NKAIN2: variants seen among roughly 807,000 people sequenced by gnomAD.
NKAIN2 encodes sodium/potassium-transporting ATPase subunit beta-1-interacting protein 2.
NKAIN2 carries 14 observed loss-of-function variants against 32.6 expected under a neutral mutation model. The ratio of observed to expected loss-of-function variants is 0.43; its 90% CI spans 0.28 to 0.67. The LOEUF is 0.67. NKAIN2 is among the 30% of genes least tolerant of loss of function. The probability of loss-of-function intolerance (pLI) is 0.17; values close to 1 mark genes in which losing one functional copy is unlikely to be tolerated. For synonymous variants in NKAIN2, 80 were observed against 87.2 expected (o/e 0.92, Z 0.46); for missense variants, 198 against 258.3 (o/e 0.77, Z 1.60).
intron 1 of NKAIN2, among the ~76,000 whole-genome samples, chr6:124,057,917 A>G (rs946813999): frequency 1.3e-5 from 2 of 152,020 alleles, no homozygotes; most frequent in African/African-American, 4.8e-5. Context: ...TTCTTGCTTA[A>G]CTCAACCATT....
intron 4 of NKAIN2, among the ~76,000 whole-genome samples, chr6:124,745,195 T>C (rs1035999065): frequency 6.6e-6 from 1 of 151,774 alleles, no homozygotes; most frequent in African/African-American, 2.4e-5. Context: ...CAAAACTAGA[T>C]CAAAATGGGA....
chr6:124,770,522 CT>C (rs528176645), intron 4 of NKAIN2, among the ~76,000 whole-genome samples: 74 of 152,184 alleles, frequency 4.9e-4, no homozygotes, highest in Non-Finnish European at 7.5e-4. Flanking sequence ...TTTTGTCTGC[CT>C]TTTTTAGGTT....
At chr6:124,199,360 G>A (rs1790496062) in intron 1 of NKAIN2, among the ~76,000 whole-genome samples, 1 of 152,180 alleles carries the variant, frequency 6.6e-6, no homozygotes, top group Non-Finnish European at 1.5e-5. Flanking sequence ...GCAGTCCCAT[G>A]TCCTTGCCCT....
intron 1 of NKAIN2, among the ~76,000 whole-genome samples, chr6:124,234,461 T>C (rs1283097075): frequency 6.6e-6 from 1 of 152,100 alleles, no homozygotes; most frequent in Admixed American, 6.6e-5. Flanking sequence ...TAGGGCACAT[T>C]TTCAAGTGCT....
At chr6:124,459,999 CT>C (rs1430496000) in intron 3 of NKAIN2, among the ~76,000 whole-genome samples, 8 of 151,514 alleles carry the variant, frequency 5.3e-5, no homozygotes, top group Non-Finnish European at 1.2e-4. Context: ...TCTTAATTCT[CT>C]TTACTGTTTC....
chr6:124,645,056 A>G (rs1334407332), intron 3 of NKAIN2, among the ~76,000 whole-genome samples: 1 of 152,220 alleles, frequency 6.6e-6, no homozygotes, highest in East Asian at 1.9e-4. Flanking sequence ...ACACTTACTT[A>G]TATTTTATCC....
intron 1 of NKAIN2, among the ~76,000 whole-genome samples, chr6:124,024,501 ATATT>A (rs1194749018): frequency 2.0e-5 from 3 of 152,218 alleles, no homozygotes; most frequent in African/African-American, 7.2e-5. Context: ...AACAAAATGA[ATATT>A]TAATAAGTTC....
intron 4 of NKAIN2, among the ~76,000 whole-genome samples, chr6:124,661,576 C>G (rs567328020): frequency 6.6e-6 from 1 of 152,296 alleles, no homozygotes; most frequent in African/African-American, 2.4e-5. Context: ...CAAAGGAAGA[C>G]AAGTATAATA....
At chr6:124,021,787 C>A (rs1334635349) in intron 1 of NKAIN2, among the ~76,000 whole-genome samples, 1 of 151,826 alleles carries the variant, frequency 6.6e-6, no homozygotes, top group Non-Finnish European at 1.5e-5. Context: ...AAAATTCTAT[C>A]CTCTCCCCTG....
At chr6:124,153,178 T>C (rs1192414664) in intron 1 of NKAIN2, among the ~76,000 whole-genome samples, 1 of 151,822 alleles carries the variant, frequency 6.6e-6, no homozygotes, top group Non-Finnish European at 1.5e-5. Context: ...AAAAGATAAA[T>C]GTTGAGGTGA....
Position 124,312,655 on chromosome 6 carries a change from T to G in NKAIN2, c.192+29513T>G, listed in dbSNP as rs180824373. 1.7e-4 allele frequency among the ~76,000 whole-genome samples: 26 copies of G among 152,292 alleles called. No individual in the cohort carries two copies. In the East Asian group the frequency reaches 3.7e-3, roughly 22 times the overall value. ...AGTTCAGCTGCCTAGAGGCTCTTCA[T>G]ACCGTGTCCTCTTCGGTCTTTTATG... is the stretch of plus-strand genomic sequence containing the variant. On this transcript the variant is annotated intron_variant, in intron 2 of 6. Coordinates refer to ENST00000368417, the MANE Select transcript of NKAIN2 (RefSeq NM_001040214.3).
chr6:124,432,743 A>G (rs927030680), intron 3 of NKAIN2, among the ~76,000 whole-genome samples: 2 of 152,190 alleles, frequency 1.3e-5, no homozygotes. Flanking sequence ...GCCACCAACA[A>G]GGATCATTGG....
chr6:124,032,686 C>T (rs532166015), intron 1 of NKAIN2, among the ~76,000 whole-genome samples: 116 of 151,900 alleles, frequency 7.6e-4, no homozygotes, highest in African/African-American at 2.4e-3. Context: ...TCAGGATTTC[C>T]GTTTTAATGA....
chr6:123,912,860 A>G (rs1775290656), intron 1 of NKAIN2, among the ~76,000 whole-genome samples: 4 of 149,848 alleles, frequency 2.7e-5, no homozygotes, highest in Admixed American at 2.6e-4. Context: ...TCATTGCAAT[A>G]TCATTTGCAA....
intron 1 of NKAIN2, among the ~76,000 whole-genome samples, chr6:123,963,966 T>C (rs921120560): frequency 1.3e-5 from 2 of 152,186 alleles, no homozygotes; most frequent in Non-Finnish European, 2.9e-5. Context: ...AGTATAATGA[T>C]GATATTTTAA....
At chr6:124,194,270 C>T (rs1790191956) in intron 1 of NKAIN2, among the ~76,000 whole-genome samples, 1 of 151,866 alleles carries the variant, frequency 6.6e-6, no homozygotes, top group Non-Finnish European at 1.5e-5. Context: ...CCATCAATCT[C>T]CTAACATCTT....
chr6:123,898,588 C>T (rs1366481028), intron 1 of NKAIN2, among the ~76,000 whole-genome samples: 26 of 149,660 alleles, frequency 1.7e-4, no homozygotes, highest in African/African-American at 5.7e-4. Context: ...TATCTAATTC[C>T]GTGCTTTGTC....
At chr6:124,090,767 G>T (rs1784381950) in intron 1 of NKAIN2, among the ~76,000 whole-genome samples, 1 of 151,990 alleles carries the variant, frequency 6.6e-6, no homozygotes, top group African/African-American at 2.4e-5. Flanking sequence ...AAAGTGCTGA[G>T]CATATTGCCT....
intron 1 of NKAIN2, among the ~76,000 whole-genome samples, chr6:124,095,262 T>G (rs911185238): frequency 6.6e-6 from 1 of 152,116 alleles, no homozygotes; most frequent in African/African-American, 2.4e-5. Flanking sequence ...TTCAATTAAT[T>G]TAATCTAATT....
Sources: allele counts gnomAD v4.1 joint callset (sites outside exome capture counted in the v4.1 genomes callset), GRCh38; gene constraint gnomAD v4.1.1; transcripts MANE v1.5; gene names NCBI Gene and HGNC (gene_info 2026-07-23, HGNC 2026-07-21).